Variants in FXYD2 observed in about 807,000 individuals in gnomAD.
FXYD2 encodes sodium/potassium-transporting ATPase subunit gamma.
In FXYD2, 8 loss-of-function variants were observed where a neutral mutation model predicts 11.8. That is an observed-to-expected ratio of 0.68 (90% CI 0.40 to 1.22). FXYD2 has a LOEUF of 1.22. Among genes scored for constraint, FXYD2 ranks in the 50% most tolerant of loss-of-function variants. The pLI is 0.01. For missense variants in FXYD2, 92 were observed against 91.8 expected, an observed-to-expected ratio of 1.00 and a Z score of -0.01; for synonymous variants, 42 against 33.3, an observed-to-expected ratio of 1.26 and a Z score of -0.90.
chr11:117,826,770 G>GTCTGTCTGTCTA (rs1228392466), upstream of FXYD2, among the ~76,000 whole-genome samples: 3,576 of 134,258 alleles, frequency 0.027, 50 homozygotes, highest in East Asian at 0.075. Context: ...CTGTCTGTCT[G>GTCTGTCTGTCTA]TCTGTCTGTC....
At chr11:117,824,969 G>A (rs556930603), upstream of FXYD2, among the ~76,000 whole-genome samples, 19 of 152,320 alleles carry the variant, frequency 1.2e-4, no homozygotes, top group African/African-American at 4.3e-4. The surrounding 1 kb of genome is among the most constrained non-coding windows in gnomAD (Gnocchi z 4.0). Flanking sequence ...GTCAGCAGTC[G>A]TGCTGTTCTG....
chr11:117,825,623 T>C (rs1476655252), upstream of FXYD2, among the ~76,000 whole-genome samples: 3 of 152,010 alleles, frequency 2.0e-5, no homozygotes, highest in African/African-American at 7.3e-5. Context: ...ACACAGCCAG[T>C]GTGGGGGAAG....
In FXYD2 at chr11:117,820,884, G is replaced by A. The variant is rs200063683; in HGVS notation, c.151C>T (p.Arg51Cys). Reference sequence around the variant, plus strand: ...CTGCGCTTCTTATTGCCCCCACAGCGGAATCTTCTGCCTTGAAAAGAGAAA... The same window carrying A: ...CTGCGCTTCTTATTGCCCCCACAGCAGAATCTTCTGCCTTGAAAAGAGAAA... ...GLLILLSRRF[R>C]CGGNKKRRQI... Residue 51 changes from arginine (R) to cysteine (C), a missense_variant, in exon 4 of 6, where the codon CGC becomes TGC. Arg to Cys is a radical substitution (Grantham distance 180, BLOSUM62 -3). Transcript: ENST00000292079. 122 of 1,613,044 alleles carry A rather than the reference G, an allele frequency of 7.6e-5. 1 individual carries two copies. Among genetic ancestry groups the A allele is most frequent in the Middle Eastern group, 3.3e-4 (2 of 6,082 alleles).
intron 5 of FXYD2, 31 bp from the exon 6 acceptor site, chr11:117,820,403 T>G (rs1591531746): frequency 3.6e-6 from 2 of 550,728 alleles, no homozygotes; most frequent in Non-Finnish European, 6.4e-6. Context: ...TGGGGTTGGG[T>G]GGGAGGCAGC....
At position 117,824,501 on chromosome 11, in the gene FXYD2, T is replaced by C; in HGVS notation, c.25+153A>G. ...TCCTCCTTTAAGTTGCAAATTTTCTTAGAGAGGAGGCCGACAGGAAGAGGG... is the reference window on the plus strand; with the variant it reads ...TCCTCCTTTAAGTTGCAAATTTTCTCAGAGAGGAGGCCGACAGGAAGAGGG... On this transcript the variant is annotated intron_variant, in intron 1 of 5. Transcript: ENST00000292079. The surrounding 1 kb of genome is among the most constrained non-coding windows in gnomAD (Gnocchi z 4.0). 1.4e-6 allele frequency: 1 copy of C among 711,346 alleles called. No homozygotes were observed. Among genetic ancestry groups the C allele is most frequent in the Non-Finnish European group, 2.6e-6 (1 of 391,306 alleles). 44.1% of individuals were successfully genotyped at this position (711,346 alleles called of 1,614,324 possible). A position where few individuals can be genotyped will look rare whatever the true frequency, so the allele number is the denominator to read the frequency against.
Position 117,824,544 on chromosome 11 carries a change from G to C in FXYD2, c.25+110C>G. 2.3e-6 allele frequency: 2 copies of C among 887,240 alleles called. No individual in the cohort carries two copies. Among genetic ancestry groups the C allele is most frequent in the Admixed American group, 1.9e-5 (1 of 53,576 alleles). The allele number at this position is 887,240 out of a possible 1,614,324, so 55.0% of individuals were successfully genotyped here. ...GAAGAGGGGCTGGGTACTCTGGAAGGCTGAGGTGGCAGGAGAGGGAAGAGT... is the reference window on the plus strand; with the variant it reads ...GAAGAGGGGCTGGGTACTCTGGAAGCCTGAGGTGGCAGGAGAGGGAAGAGT... On this transcript the variant is annotated intron_variant, in intron 1 of 5. Coordinates refer to ENST00000292079, the MANE Select transcript of FXYD2 (RefSeq NM_001680.5). This position sits in a 1 kb window ranked among gnomAD's most constrained non-coding sequence, Gnocchi z 4.0.
chr11:117,822,069 C>T lies in FXYD2; in HGVS notation c.139+337G>A, dbSNP rs539553849. 11 of 1,266,000 alleles carry T rather than the reference C, an allele frequency of 8.7e-6. No individual in the cohort carries two copies. In the South Asian group the frequency reaches 1.1e-4, roughly 13 times the overall value. The allele number at this position is 1,266,000 out of a possible 1,614,324, so 78.4% of individuals were successfully genotyped here. ...AATCTTGTGAGGCAGGTGGGATCAT[C>T]CCTATTTAACAAATGAGTTTGGGAC... On this transcript the variant is annotated intron_variant, in intron 3 of 5. Coordinates refer to ENST00000292079, the MANE Select transcript of FXYD2 (RefSeq NM_001680.5). This position sits in a 1 kb window ranked among gnomAD's most constrained non-coding sequence, Gnocchi z 4.7.
chr11:117,820,304 G>T lies in FXYD2; in HGVS notation c.*75C>A. The T allele has an allele frequency of 3.0e-6, 1 of 331,078 alleles. No homozygotes were observed. Among genetic ancestry groups the T allele is most frequent in the South Asian group, 6.2e-5 (1 of 16,146 alleles). The allele number at this position is 331,078 out of a possible 1,614,324, so 20.5% of individuals were successfully genotyped here. A position where few individuals can be genotyped will look rare whatever the true frequency, so the allele number is the denominator to read the frequency against. On this transcript the variant is annotated 3_prime_UTR_variant, in exon 6 of 6. Coordinates refer to ENST00000292079, the MANE Select transcript of FXYD2 (RefSeq NM_001680.5). ...AGGTCTAAAGCCCAGGGAAGAAGGG[G>T]AGGCGCCAGAGGCAGGGCCATGCTT...
intron 3 of FXYD2, chr11:117,821,519 C>T (rs369939549): frequency 6.6e-5 from 65 of 985,806 alleles, no homozygotes; most frequent in Non-Finnish European, 6.7e-5. Context: ...CACAGCTGCC[C>T]GATGAACACC....
upstream of FXYD2, chr11:117,824,872 C>T (rs1490509741): frequency 3.6e-5 from 26 of 716,836 alleles, no homozygotes; most frequent in East Asian, 2.4e-4. This position sits in a 1 kb window ranked among gnomAD's most constrained non-coding sequence, Gnocchi z 4.0. Context: ...AGGGTGAGGA[C>T]GTGCGTGGGG....
chr11:117,828,061 G>A, upstream of FXYD2: 1 of 1,550,104 alleles, frequency 6.5e-7, no homozygotes. Flanking sequence ...GCAGGGAGGT[G>A]CTGCTTGCCT....
At chr11:117,827,529 G>T (rs980189616), upstream of FXYD2, among the ~76,000 whole-genome samples, 2 of 152,224 alleles carry the variant, frequency 1.3e-5, no homozygotes, top group African/African-American at 4.8e-5. Context: ...AATTACAGGC[G>T]TGAGCCACCA....
In FXYD2 at chr11:117,822,232, T is replaced by G. The variant is rs950644621; in HGVS notation, c.139+174A>C. On this transcript the variant is annotated intron_variant, in intron 3 of 5. Coordinates refer to ENST00000292079, the MANE Select transcript of FXYD2 (RefSeq NM_001680.5). The surrounding 1 kb of genome is among the most constrained non-coding windows in gnomAD (Gnocchi z 4.7). ...TTGAGCAAGCAGGAACCTCACACTG[T>G]GCTCCCAGCGAGCCTGGCACCCCAC... 73 of 1,501,706 alleles carry G rather than the reference T, an allele frequency of 4.9e-5. No individual in the cohort carries two copies. The highest frequency in any genetic ancestry group is 2.4e-4 in the Middle Eastern group (1 of 4,220). 93.0% of individuals were successfully genotyped at this position (1,501,706 alleles called of 1,614,324 possible).
At chr11:117,825,386 C>T (rs150311034), upstream of FXYD2, among the ~76,000 whole-genome samples, 1 of 152,368 alleles carries the variant, frequency 6.6e-6, no homozygotes, top group Non-Finnish European at 1.5e-5. Context: ...GGCACTTCCT[C>T]CTACCACCAT....
Position 117,822,544 on chromosome 11 carries a change from C to A in FXYD2, c.65-64G>T. On this transcript the variant is annotated intron_variant, in intron 2 of 5. Transcript: ENST00000292079. The surrounding 1 kb of genome is among the most constrained non-coding windows in gnomAD (Gnocchi z 4.7). ...CTCTCCCAGCAGCTGTCTCTCTCCG[C>A]AGCCTGCCCGCAGCAGCCCGTGGTA... The A allele has an allele frequency of 1.3e-6, 2 of 1,556,968 alleles. No individual in the cohort carries two copies. The highest frequency in any genetic ancestry group is 1.2e-5 in the South Asian group (1 of 84,486).
At chr11:117,825,770 G>T (rs948243921), upstream of FXYD2, among the ~76,000 whole-genome samples, 1 of 152,180 alleles carries the variant, frequency 6.6e-6, no homozygotes, top group Non-Finnish European at 1.5e-5. Context: ...TAGAATCCTC[G>T]TTGAGTTCTA....
chr11:117,827,948 G>C (rs1328660800), upstream of FXYD2: 2 of 1,277,848 alleles, frequency 1.6e-6, no homozygotes, highest in Non-Finnish European at 2.2e-6. Context: ...GCTGGCACCT[G>C]TGTTAGAGCC....
In FXYD2 at chr11:117,820,663, T is replaced by TA. The variant is rs1337901778; in HGVS notation, c.*6+2dup. The TA allele has an allele frequency of 6.2e-7, 1 of 1,613,890 alleles. No homozygotes were observed. Among genetic ancestry groups the TA allele is most frequent in the Non-Finnish European group, 8.5e-7 (1 of 1,179,910 alleles). The stretch of plus-strand genomic sequence containing the variant: ...GCACCTTCCCCAGGCCCTCCTAGCA[T>TA]ACCTGCTGTTACGGCTCATCTTCAT... On this transcript the variant is annotated splice_region_variant and intron_variant, in intron 5 of 5. Transcript: ENST00000292079.
chr11:117,827,123 G>C (rs12226356), upstream of FXYD2, among the ~76,000 whole-genome samples: 16,505 of 150,558 alleles, frequency 0.11, 1,027 homozygotes, highest in East Asian at 0.21. Context: ...TAGATAGATA[G>C]ATAGATAGAT....
Sources: allele counts gnomAD v4.1 joint callset (sites outside exome capture counted in the v4.1 genomes callset), GRCh38; gene constraint gnomAD v4.1.1; non-coding constraint Gnocchi (gnomAD v3.1); transcripts MANE v1.5; gene names NCBI Gene and HGNC (gene_info 2026-07-23, HGNC 2026-07-21).